Variants in MORC3 observed in about 807,000 individuals in gnomAD.
The protein encoded by MORC3 is MORC family CW-type zinc finger protein 3.
In MORC3, 31 loss-of-function variants were observed where a neutral mutation model predicts 109.1. The observed-to-expected ratio is 0.28, with a 90% CI of 0.21 to 0.38. MORC3 has a LOEUF of 0.38. Among genes scored for constraint, MORC3 ranks in the 10% least tolerant of loss-of-function variants. The probability of loss-of-function intolerance (pLI) is 1.00; values close to 1 mark genes in which losing one functional copy is unlikely to be tolerated. For missense variants in MORC3, 867 were observed against 1,135.8 expected (o/e 0.76, Z 3.40); for synonymous variants, 395 against 380.7 (o/e 1.04, Z -0.44).
intron 14 of MORC3, among the ~76,000 whole-genome samples, chr21:36,364,745 T>A (rs751364852): frequency 3.3e-5 from 5 of 151,770 alleles, no homozygotes; most frequent in Non-Finnish European, 7.4e-5. Context: ...TTTAAGATGA[T>A]CAGGACTTAA....
intron 10 of MORC3, among the ~76,000 whole-genome samples, chr21:36,358,085 A>G (rs1255307691): frequency 1.3e-5 from 2 of 151,946 alleles, no homozygotes; most frequent in African/African-American, 2.4e-5. Flanking sequence ...TTTCAAAGCT[A>G]GATTTAAAAA....
intron 9 of MORC3, among the ~76,000 whole-genome samples, chr21:36,352,971 TAA>T (rs777452359): frequency 0.026 from 3,210 of 122,026 alleles, 48 homozygotes; most frequent in Admixed American, 0.056. Context: ...ACCTTTTCTC[TAA>T]AAAAAAAAAA....
intron 1 of MORC3, among the ~76,000 whole-genome samples, chr21:36,321,628 A>G (rs2085194576): frequency 6.6e-6 from 1 of 150,770 alleles, no homozygotes; most frequent in Non-Finnish European, 1.5e-5. Flanking sequence ...ACGCTTTCCC[A>G]TTAGCTTAAG....
chr21:36,342,540 C>T (rs1196153232), intron 6 of MORC3, among the ~76,000 whole-genome samples: 1 of 151,986 alleles, frequency 6.6e-6, no homozygotes, highest in African/African-American at 2.4e-5. Context: ...GTAGCTGGGA[C>T]TGCAGGCGTG....
In MORC3 at chr21:36,320,251, G is replaced by A. The variant is rs1384224711; in HGVS notation, c.-14G>A. Reference sequence around the variant, plus strand: ...TGCGGCGGAGGCCGTTCCTGGCTTTGTAGCTCGCTCAAGATGGCGGCGCAG... The same window carrying A: ...TGCGGCGGAGGCCGTTCCTGGCTTTATAGCTCGCTCAAGATGGCGGCGCAG... On this transcript the variant is annotated 5_prime_UTR_variant, in exon 1 of 17. Coordinates refer to ENST00000400485, the MANE Select transcript of MORC3 (RefSeq NM_015358.3). 7.0e-6 allele frequency: 11 copies of A among 1,579,934 alleles called. No homozygotes were observed. The highest frequency in any genetic ancestry group is 1.8e-5 in the Admixed American group (1 of 54,642).
At chr21:36,366,067 T>TG (rs1569108060) in intron 14 of MORC3, among the ~76,000 whole-genome samples, 3 of 152,222 alleles carry the variant, frequency 2.0e-5, no homozygotes, top group Non-Finnish European at 4.4e-5. Flanking sequence ...TCAGGGTACA[T>TG]GCAGGTTTGT....
At chr21:36,370,887 T>G (rs2085858894) in intron 15 of MORC3, among the ~76,000 whole-genome samples, 1 of 151,892 alleles carries the variant, frequency 6.6e-6, no homozygotes, top group Non-Finnish European at 1.5e-5. Flanking sequence ...CAGGCTGATC[T>G]CAAACTCCTG....
At chr21:36,335,368 T>C (rs1461103770) in intron 2 of MORC3, among the ~76,000 whole-genome samples, 1 of 144,762 alleles carries the variant, frequency 6.9e-6, no homozygotes, top group Non-Finnish European at 1.5e-5. Context: ...CAGGCTGGAG[T>C]GCAGTGGCAC....
intron 9 of MORC3, among the ~76,000 whole-genome samples, chr21:36,352,034 A>T (rs2085578758): frequency 1.3e-5 from 2 of 152,210 alleles, no homozygotes; most frequent in Admixed American, 1.3e-4. Flanking sequence ...GGTAAATACC[A>T]TCCAGTACAT....
chr21:36,340,948 T>C (rs570608116), intron 5 of MORC3, among the ~76,000 whole-genome samples: 2 of 152,182 alleles, frequency 1.3e-5, no homozygotes, highest in South Asian at 2.1e-4. Context: ...GTTTGCACTT[T>C]TTTCTTGCTG....
chr21:36,359,814 C>T (rs1466228240), intron 10 of MORC3, 141 bp from the exon 11 acceptor site: 1 of 1,242,958 alleles, frequency 8.0e-7, no homozygotes, highest in East Asian at 2.4e-5. Flanking sequence ...CGCACCCAGC[C>T]TAATTTTGAA....
intron 10 of MORC3, among the ~76,000 whole-genome samples, chr21:36,357,215 A>G (rs2085654764): frequency 6.6e-6 from 1 of 152,342 alleles, no homozygotes; most frequent in Admixed American, 6.5e-5. Context: ...AACACATCAC[A>G]GGATAACAGT....
intron 10 of MORC3, among the ~76,000 whole-genome samples, chr21:36,357,900 C>G (rs1445222908): frequency 2.0e-5 from 3 of 151,386 alleles, no homozygotes; most frequent in African/African-American, 7.3e-5. Flanking sequence ...GCCACCACGC[C>G]TGGCTAATGT....
intron 3 of MORC3, among the ~76,000 whole-genome samples, chr21:36,337,333 C>T (rs964141920): frequency 6.6e-6 from 1 of 152,058 alleles, no homozygotes; most frequent in Non-Finnish European, 1.5e-5. Context: ...TTGGGAGTAA[C>T]TTTTAGAGGA....
Position 36,338,796 on chromosome 21 carries a change from A to T in MORC3, c.483A>T (p.Glu161Asp). ...NKHRQMINLAESKASLAAILE... is the reference protein window; with the variant it reads ...NKHRQMINLADSKASLAAILE... ...TACGACAGATGATTAATTTAGCAGA[A>T]TCAAAAGCCAGCCTTGCTGCAATTC... Residue 161 changes from glutamate (E) to aspartate (D), a missense_variant, in exon 5 of 17, where the codon GAA becomes GAT. Transcript: ENST00000400485. The T allele has an allele frequency of 6.2e-7, 1 of 1,613,878 alleles. No individual in the cohort carries two copies. The highest frequency in any genetic ancestry group is 1.1e-5 in the South Asian group (1 of 91,068).
chr21:36,362,241 T>G lies in MORC3; in HGVS notation c.1452+13T>G. 6.4e-7 allele frequency: 1 copy of G among 1,567,320 alleles called. No homozygotes were observed. On this transcript the variant is annotated intron_variant, in intron 13 of 16. Transcript: ENST00000400485. ...AATGATCCCTCGGGTAATTAAGCCTTCTTTTTTTTTTTTTTTTTTAAATAG... is the reference window on the plus strand; with the variant it reads ...AATGATCCCTCGGGTAATTAAGCCTGCTTTTTTTTTTTTTTTTTTAAATAG...
chr21:36,322,199 C>T (rs1034712421), intron 1 of MORC3, among the ~76,000 whole-genome samples: 2 of 151,920 alleles, frequency 1.3e-5, no homozygotes, highest in Non-Finnish European at 2.9e-5. Flanking sequence ...AAAAATTATG[C>T]GAAATACAAA....
At chr21:36,360,153 CAT>C in intron 11 of MORC3, 29 bp from the exon 12 acceptor site, 1 of 1,613,824 alleles carries the variant, frequency 6.2e-7, no homozygotes, top group Non-Finnish European at 8.5e-7. Flanking sequence ...GCGCTGGTGA[CAT>C]GTTATTCCTA....
At chr21:36,357,402 T>A (rs934827476) in intron 10 of MORC3, among the ~76,000 whole-genome samples, 5 of 152,122 alleles carry the variant, frequency 3.3e-5, no homozygotes, top group African/African-American at 1.2e-4. Context: ...AGACTTCCCA[T>A]CGTACTTTTC....
Sources: allele counts gnomAD v4.1 joint callset (sites outside exome capture counted in the v4.1 genomes callset), GRCh38; gene constraint gnomAD v4.1.1; transcripts MANE v1.5; gene names NCBI Gene and HGNC (gene_info 2026-07-23, HGNC 2026-07-21).